LONP1: variants seen among roughly 807,000 people sequenced by gnomAD.
LONP1 encodes the protein lon protease homolog, mitochondrial.
Under a neutral mutation model 98.5 loss-of-function variants are expected in LONP1, and 31 were observed. The observed-to-expected ratio is 0.31, with a 90% CI of 0.24 to 0.42. The LOEUF (loss-of-function observed/expected upper bound fraction) is 0.42, where lower values mean the gene tolerates loss of function less well. LONP1 is among the 20% of genes least tolerant of loss of function. The probability of loss-of-function intolerance (pLI) is 1.00; values close to 1 mark genes in which losing one functional copy is unlikely to be tolerated. For missense variants in LONP1, 1,336 were observed against 1,350.6 expected (o/e 0.99, Z 0.17); for synonymous variants, 781 against 594.7 (o/e 1.31, Z -4.56).
rs1370060770 is a variant in LONP1 at position 5,705,783 on chromosome 19, G to A, written c.1356C>T (p.Ser452=). ...GGCCTGGCACTCACTTGAACTCCGA[G>A]GAGTGGTTGTCCAGCAGGCCCAGCT... ...LSKLGLLDNH[S]SEFNVTRNYL... is the part of the protein sequence containing the mutation. Residue 452 remains serine (S), a synonymous_variant, in exon 8 of 18, where the codon TCC becomes TCT. Coordinates refer to ENST00000360614, the MANE Select transcript of LONP1 (RefSeq NM_004793.4). 6.2e-7 allele frequency: 1 copy of A among 1,613,950 alleles called. No individual in the cohort carries two copies. Among genetic ancestry groups the A allele is most frequent in the Non-Finnish European group, 8.5e-7 (1 of 1,180,016 alleles).
intron 4 of LONP1, 126 bp downstream of exon 4, chr19:5,711,645 A>G: frequency 2.7e-6 from 2 of 741,346 alleles, no homozygotes; most frequent in Non-Finnish European, 4.5e-6. Context: ...ATTGAGTTCC[A>G]GACAGGCCAG....
intron 1 of LONP1, among the ~76,000 whole-genome samples, chr19:5,717,891 CTT>C (rs532198283): frequency 7.5e-5 from 10 of 133,230 alleles, no homozygotes; most frequent in Admixed American, 7.8e-5. Flanking sequence ...TTCTTTCTTT[CTT>C]TTTTTTTTTT....
intron 9 of LONP1, 91 bp from the exon 10 acceptor site, chr19:5,699,296 C>T (rs1246656022): frequency 1.2e-5 from 13 of 1,068,772 alleles, no homozygotes; most frequent in East Asian, 5.8e-5. Flanking sequence ...GCCTTTCAGA[C>T]GTCTGAGGGC....
At chr19:5,704,431 G>A (rs933005510) in intron 8 of LONP1, among the ~76,000 whole-genome samples, 1 of 152,196 alleles carries the variant, frequency 6.6e-6, no homozygotes, top group Non-Finnish European at 1.5e-5. Context: ...TCAGGGCCCT[G>A]GGGGAGAGAC....
At chr19:5,718,912 G>A (rs1029141643) in intron 1 of LONP1, among the ~76,000 whole-genome samples, 2 of 152,096 alleles carry the variant, frequency 1.3e-5, no homozygotes, top group South Asian at 2.1e-4. Flanking sequence ...GTGGTAGGAG[G>A]TCAAGAACAC....
In LONP1 at chr19:5,705,914, G is replaced by T. The variant is rs761401147; in HGVS notation, c.1225C>A (p.Leu409Met). 1 of 1,614,132 alleles carries T rather than the reference G, an allele frequency of 6.2e-7. No individual in the cohort carries two copies. The highest frequency in any genetic ancestry group is 1.1e-5 in the South Asian group (1 of 91,082). ...QLKIIKKELGLEKDDKDAIEE... is the reference protein window; with the variant it reads ...QLKIIKKELGMEKDDKDAIEE... ...ATGGCATCCTTGTCGTCCTTCTCCAGGCCCAGCTCCTTCTTGATGATCTTT... is the reference window on the plus strand; with the variant it reads ...ATGGCATCCTTGTCGTCCTTCTCCATGCCCAGCTCCTTCTTGATGATCTTT... The change falls in exon 8 of 18, where the codon CTG becomes ATG. Residue 409 changes from leucine (L) to methionine (M), a missense_variant. By Grantham distance (15) the Leu-to-Met change is conservative. Around this residue, in one of 5 missense-constraint regions of LONP1, gnomAD observed 219 missense variants for 241.0 expected, o/e 0.91. Transcript: ENST00000360614.
Position 5,711,993 on chromosome 19 carries a change from G to C in LONP1, c.648C>G (p.Ile216Met), listed in dbSNP as rs1224489721. Residue 216 changes from isoleucine (I) to methionine (M), a missense_variant, in exon 4 of 18, where the codon ATC (isoleucine) becomes ATG (methionine). By Grantham distance (10) the Ile-to-Met change is conservative (BLOSUM62 1). Transcript: ENST00000360614. ...CGGGCTCCACCTCCAGCTGTCTGCT[G>C]ATATGGACTCTGACACGGGAGCAAG... ...MIVMGHRRVH[I>M]SRQLEVEPEE... The C allele has an allele frequency of 1.9e-6, 3 of 1,611,890 alleles. No individual in the cohort carries two copies. The highest frequency in any genetic ancestry group is 2.5e-6 in the Non-Finnish European group (3 of 1,179,194).
intron 13 of LONP1, 134 bp downstream of exon 13, chr19:5,695,920 C>T: frequency 1.4e-6 from 1 of 704,228 alleles, no homozygotes; most frequent in Non-Finnish European, 2.3e-6. Context: ...TCTCACGGCC[C>T]CATCTGCTCC....
Position 5,692,203 on chromosome 19 carries a change from C to T in LONP1, c.2709G>A (p.Lys903=). ...GGACGATGCACGTCACCCCTGCGCGCTTGGCCTGGGGGCAGAGTCAGGGTC... is the reference window on the plus strand; with the variant it reads ...GGACGATGCACGTCACCCCTGCGCGTTTGGCCTGGGGGCAGAGTCAGGGTC... ...GGIKEKTIAA[K]RAGVTCIVLP... Residue 903 remains lysine, a synonymous_variant, in exon 18 of 18, where the codon AAG becomes AAA. Transcript: ENST00000360614. 1 of 1,611,186 alleles carries T rather than the reference C, an allele frequency of 6.2e-7. No individual in the cohort carries two copies. Among genetic ancestry groups the T allele is most frequent in the Non-Finnish European group, 8.5e-7 (1 of 1,178,164 alleles).
intron 8 of LONP1, 25 bp from the exon 9 acceptor site, chr19:5,700,952 G>A: frequency 2.5e-6 from 4 of 1,613,522 alleles, no homozygotes; most frequent in South Asian, 1.1e-5. Flanking sequence ...ATGGAGAGAT[G>A]CTGAGTGGAG....
intron 10 of LONP1, 24 bp downstream of exon 10, chr19:5,699,003 G>A (rs756479948): frequency 1.3e-6 from 2 of 1,587,104 alleles, no homozygotes; most frequent in African/African-American, 1.4e-5. Flanking sequence ...GAGTGCGTGG[G>A]GAGAGCTGTC....
intron 13 of LONP1, among the ~76,000 whole-genome samples, chr19:5,695,453 G>C (rs2054908849): frequency 6.6e-6 from 1 of 152,116 alleles, no homozygotes; most frequent in African/African-American, 2.4e-5. Flanking sequence ...CTGTCCCCAG[G>C]AACTACAGGC....
In LONP1 at chr19:5,705,769, C is replaced by T. The variant is rs1410639783; in HGVS notation, c.1367+3G>A. On this transcript the variant is annotated splice_donor_region_variant and intron_variant, in intron 8 of 17. Coordinates refer to ENST00000360614, the MANE Select transcript of LONP1 (RefSeq NM_004793.4). The stretch of plus-strand genomic sequence containing the variant: ...GCTGGGCCGCCCCGGGCCTGGCACT[C>T]ACTTGAACTCCGAGGAGTGGTTGTC... The T allele has an allele frequency of 1.9e-6, 3 of 1,613,720 alleles. No individual in the cohort carries two copies. The highest frequency in any genetic ancestry group is 2.5e-6 in the Non-Finnish European group (3 of 1,179,968).
At chr19:5,715,599 G>A (rs1210108462) in intron 1 of LONP1, among the ~76,000 whole-genome samples, 1 of 115,734 alleles carries the variant, frequency 8.6e-6, no homozygotes, top group African/African-American at 3.3e-5. Context: ...CCAAGATCAC[G>A]CCACTGCACT....
chr19:5,692,957 G>A (rs1165644581), intron 17 of LONP1, among the ~76,000 whole-genome samples: 3 of 152,054 alleles, frequency 2.0e-5, no homozygotes, highest in East Asian at 1.9e-4. Context: ...CCAGCCCCTG[G>A]CCAGGGGCTC....
At chr19:5,715,820 CT>C (rs2055309609) in intron 1 of LONP1, among the ~76,000 whole-genome samples, 1 of 151,930 alleles carries the variant, frequency 6.6e-6, no homozygotes, top group African/African-American at 2.4e-5. Context: ...ACTGCACTCG[CT>C]AATTTTTGTA....
At position 5,719,744 on chromosome 19, in the gene LONP1, G is replaced by T; in HGVS notation, c.389C>A (p.Thr130Asn). ...AAAGCGCGGGAACACCGGGTTGCGG[G>T]TGATGGCGATGAGCGGCAGGTGCGG... ...VFPHLPLIAI[T>N]RNPVFPRFIK... Residue 130 changes from threonine (T) to asparagine (N), a missense_variant, in exon 1 of 18, where the codon ACC (threonine) becomes AAC (asparagine). Transcript: ENST00000360614. The T allele has an allele frequency of 6.2e-7, 1 of 1,613,880 alleles. No individual in the cohort carries two copies. Among genetic ancestry groups the T allele is most frequent in the East Asian group, 2.2e-5 (1 of 44,884 alleles).
chr19:5,705,784 G>A lies in LONP1; in HGVS notation c.1355C>T (p.Ser452Phe), dbSNP rs1231965718. The A allele has an allele frequency of 2.5e-6, 4 of 1,613,850 alleles. No individual in the cohort carries two copies. In the Admixed American group the frequency reaches 6.7e-5, roughly 27 times the overall value. Residue 452 changes from serine to phenylalanine, a missense_variant, in exon 8 of 18, where the codon TCC (serine) becomes TTC (phenylalanine). This residue lies in a region of LONP1 where 219 missense variants were observed against 241.0 expected (regional missense o/e 0.91). Coordinates refer to ENST00000360614, the MANE Select transcript of LONP1 (RefSeq NM_004793.4). ...GCCTGGCACTCACTTGAACTCCGAG[G>A]AGTGGTTGTCCAGCAGGCCCAGCTT... ...LSKLGLLDNH[S>F]SEFNVTRNYL...
intron 8 of LONP1, among the ~76,000 whole-genome samples, chr19:5,702,259 G>C (rs550168342): frequency 1.5e-5 from 2 of 131,306 alleles, no homozygotes; most frequent in South Asian, 2.5e-4. Context: ...GGTTGGGGGG[G>C]GGGTCAGCCC....
Sources: gnomAD v4.1 joint callset for allele counts (sites outside exome capture counted in the v4.1 genomes callset) on GRCh38, gnomAD v4.1.1 for gene constraint, gnomAD v4.1.1 regional missense constraint, MANE v1.5 for transcripts, NCBI Gene and HGNC (gene_info 2026-07-23, HGNC 2026-07-21) for gene names.